Variants in SLC51A observed in about 807,000 individuals in gnomAD.
The protein encoded by SLC51A is organic solute transporter subunit alpha.
A neutral mutation model predicts 34.8 loss-of-function variants in SLC51A; 22 were observed. The ratio of observed to expected loss-of-function variants is 0.63; its 90% CI spans 0.45 to 0.90. The LOEUF (loss-of-function observed/expected upper bound fraction) is 0.90. Ranked by LOEUF, SLC51A falls within the 40% of genes least tolerant of loss-of-function variation. The pLI, the probability that SLC51A is intolerant of heterozygous loss-of-function variation, is 0.00. For missense variants in SLC51A, 371 were observed against 414.8 expected (o/e 0.89, Z 0.92); for synonymous variants, 181 against 176.3 (o/e 1.03, Z -0.21).
chr3:196,217,694 G>C (rs1190306384), intron 1 of SLC51A, 148 bp from the exon 2 acceptor site: 1 of 595,426 alleles, frequency 1.7e-6, no homozygotes, highest in Admixed American at 2.8e-5. Flanking sequence ...TGAAAGGAAG[G>C]AAGGAAGGAA....
At position 196,233,051 on chromosome 3, in the gene SLC51A, C is replaced by T. The variant is rs1724062683; in HGVS notation, c.887-12C>T. The T allele has an allele frequency of 1.9e-6, 3 of 1,613,662 alleles. No homozygotes were observed. The highest frequency in any genetic ancestry group is 2.5e-6 in the Non-Finnish European group (3 of 1,179,740). Reference sequence around the variant, plus strand: ...CAGCATAACCTACGCTGTATTTCACCCTACACTGCAGTGATGAATTGCCAC... The same window carrying T: ...CAGCATAACCTACGCTGTATTTCACTCTACACTGCAGTGATGAATTGCCAC... On this transcript the variant is annotated splice_polypyrimidine_tract_variant and intron_variant, in intron 8 of 8. Coordinates refer to ENST00000296327, the MANE Select transcript of SLC51A (RefSeq NM_152672.6).
intron 2 of SLC51A, among the ~76,000 whole-genome samples, chr3:196,223,674 T>A (rs1723821017): frequency 6.6e-6 from 1 of 151,036 alleles, no homozygotes; most frequent in East Asian, 1.9e-4. Flanking sequence ...CTATCTGGAC[T>A]TTGCCTATTG....
At position 196,228,080 on chromosome 3, in the gene SLC51A, C is replaced by T. The variant is rs1374108743; in HGVS notation, c.363-35C>T. The T allele has an allele frequency of 6.3e-7, 1 of 1,593,172 alleles. No homozygotes were observed. The highest frequency in any genetic ancestry group is 1.1e-5 in the South Asian group (1 of 87,706). On this transcript the variant is annotated intron_variant, in intron 4 of 8. Coordinates refer to ENST00000296327, the MANE Select transcript of SLC51A (RefSeq NM_152672.6). The surrounding 1 kb of genome is among the most constrained non-coding windows in gnomAD (Gnocchi z 4.9). ...TCCCTGCTGTCTTTCTCTCTGGCAG[C>T]AGACCTCGTAGGCCCTCTTCTCTCC...
At chr3:196,221,273 G>GAA (rs545713383) in intron 2 of SLC51A, among the ~76,000 whole-genome samples, 22 of 150,878 alleles carry the variant, frequency 1.5e-4, no homozygotes, top group East Asian at 1.2e-3. Context: ...AAGAGAGAGA[G>GAA]AAAAAAAAGC....
intron 6 of SLC51A, 44 bp from the exon 7 acceptor site, chr3:196,229,871 G>C: frequency 6.4e-7 from 1 of 1,559,986 alleles, no homozygotes; most frequent in Non-Finnish European, 8.7e-7. Context: ...GAGAGAGAGA[G>C]AGAGAGCTTG....
chr3:196,232,541 T>G lies in SLC51A; in HGVS notation c.886+17T>G. 6.3e-7 allele frequency: 1 copy of G among 1,591,398 alleles called. No homozygotes were observed. The highest frequency in any genetic ancestry group is 1.3e-5 in the African/African-American group (1 of 74,508). On this transcript the variant is annotated intron_variant, in intron 8 of 8. Coordinates refer to ENST00000296327, the MANE Select transcript of SLC51A (RefSeq NM_152672.6). ...GGTCTCAAGGTGAGCACGTTAAGCCTCCTGTCCCATCGTGGGATGGATGAG... is the reference window on the plus strand; with the variant it reads ...GGTCTCAAGGTGAGCACGTTAAGCCGCCTGTCCCATCGTGGGATGGATGAG...
intron 3 of SLC51A, chr3:196,227,326 G>A (rs1723923171): frequency 3.3e-6 from 2 of 608,884 alleles, no homozygotes; most frequent in Non-Finnish European, 5.8e-6. Flanking sequence ...GGGCTGCGGA[G>A]ACAGCTGGAG....
chr3:196,217,200 C>G (rs1365438047), intron 1 of SLC51A, among the ~76,000 whole-genome samples: 1 of 152,184 alleles, frequency 6.6e-6, no homozygotes, highest in Non-Finnish European at 1.5e-5. Flanking sequence ...TCTTACTCCC[C>G]CACCTGGGCC....
Position 196,216,689 on chromosome 3 carries a change from G to T in SLC51A, c.-24G>T, listed in dbSNP as rs112417408. On this transcript the variant is annotated 5_prime_UTR_variant, in exon 1 of 9. Transcript: ENST00000296327. This position sits in a 1 kb window ranked among gnomAD's most constrained non-coding sequence, Gnocchi z 4.5. The stretch of plus-strand genomic sequence containing the variant: ...TGCCCTTCCTCACCCCGGTGCCTGC[G>T]GGATTGCTGGAGAGAACGCGGCGAT... The T allele has an allele frequency of 3.2e-6, 5 of 1,556,944 alleles. No homozygotes were observed. Among genetic ancestry groups the T allele is most frequent in the East Asian group, 2.4e-5 (1 of 41,512 alleles).
chr3:196,221,517 C>T (rs969531149), intron 2 of SLC51A, among the ~76,000 whole-genome samples: 6 of 152,050 alleles, frequency 3.9e-5, no homozygotes, highest in African/African-American at 1.2e-4. Context: ...CCTCCTGCCT[C>T]GGCCTCCTGA....
chr3:196,216,782 G>C lies in SLC51A; in HGVS notation c.38+32G>C. The C allele has an allele frequency of 1.3e-6, 2 of 1,556,114 alleles. No individual in the cohort carries two copies. The highest frequency in any genetic ancestry group is 1.7e-6 in the Non-Finnish European group (2 of 1,149,382). On this transcript the variant is annotated intron_variant, in intron 1 of 8. Transcript: ENST00000296327. This position sits in a 1 kb window ranked among gnomAD's most constrained non-coding sequence, Gnocchi z 4.5. ...GAGGGCGGCGGGCCCTGGGCCAGTC[G>C]CTGGGCAGCGGTGGCCCCTATCCCG...
At position 196,216,644 on chromosome 3, in the gene SLC51A, C is replaced by A; in HGVS notation, c.-69C>A. The A allele has an allele frequency of 6.6e-7, 1 of 1,518,042 alleles. No individual in the cohort carries two copies. Among genetic ancestry groups the A allele is most frequent in the Non-Finnish European group, 8.9e-7 (1 of 1,120,496 alleles). 94.0% of individuals were successfully genotyped at this position (1,518,042 alleles called of 1,614,324 possible). A position where few individuals can be genotyped will look rare whatever the true frequency, so the allele number is the denominator to read the frequency against. On this transcript the variant is annotated 5_prime_UTR_variant, in exon 1 of 9. Transcript: ENST00000296327. The surrounding 1 kb of genome is among the most constrained non-coding windows in gnomAD (Gnocchi z 4.5). Reference sequence around the variant, plus strand: ...CCAGGCAAGCCACCCTGCCCCCGGCCCCCACCTGCCCGCCCCGCCTGCCCT... The same window carrying A: ...CCAGGCAAGCCACCCTGCCCCCGGCACCCACCTGCCCGCCCCGCCTGCCCT...
chr3:196,225,175 T>C (rs1011006967), intron 2 of SLC51A, among the ~76,000 whole-genome samples: 3 of 152,092 alleles, frequency 2.0e-5, no homozygotes, highest in Non-Finnish European at 4.4e-5. Context: ...GGTTTCACTA[T>C]GTTGGCCAGG....
At chr3:196,231,337 C>T (rs1724025201) in intron 7 of SLC51A, among the ~76,000 whole-genome samples, 1 of 152,230 alleles carries the variant, frequency 6.6e-6, no homozygotes, top group Admixed American at 6.5e-5. Flanking sequence ...CTTCTACGTG[C>T]TGCCTTCTCT....
rs1400484131 is a variant in SLC51A, at chr3:196,228,534, G to A, written c.521+261G>A. 3.3e-6 allele frequency: 2 copies of A among 607,380 alleles called. No homozygotes were observed. The highest frequency in any genetic ancestry group is 3.0e-5 in the Admixed American group (1 of 33,842). The allele number at this position is 607,380 out of a possible 1,614,324, so 37.6% of individuals were successfully genotyped here. A position where few individuals can be genotyped will look rare whatever the true frequency, so the allele number is the denominator to read the frequency against. ...GAGAAAACTGGACTTGGGGCCATTC[G>A]CTTGCCCCTTCTGCCCACTTTGGTG... On this transcript the variant is annotated intron_variant, in intron 5 of 8. Transcript: ENST00000296327. The surrounding 1 kb of genome is among the most constrained non-coding windows in gnomAD (Gnocchi z 4.9).
In SLC51A at chr3:196,227,143, T is replaced by TG. The variant is rs368740286; in HGVS notation, c.288+30dup. ...CGGTGAGGCCCCCGGGGCTGCCCTGTGGGGGGAACTGAAAAGAAGGCAGAG... is the reference window on the plus strand; with the variant it reads ...CGGTGAGGCCCCCGGGGCTGCCCTGTGGGGGGGAACTGAAAAGAAGGCAGAG... On this transcript the variant is annotated intron_variant, in intron 3 of 8. Coordinates refer to ENST00000296327, the MANE Select transcript of SLC51A (RefSeq NM_152672.6). 40 of 1,607,866 alleles carry TG rather than the reference T, an allele frequency of 2.5e-5. No homozygotes were observed. In the South Asian group the frequency reaches 4.3e-4, roughly 17 times the overall value.
Position 196,230,773 on chromosome 3 carries a change from T to C in SLC51A, c.780+712T>C, listed in dbSNP as rs185433402. 2.6e-5 allele frequency among the ~76,000 whole-genome samples: 4 copies of C among 152,354 alleles called. No homozygotes were observed. The East Asian group carries it at 5.8e-4, about 22-fold the overall frequency. ...TATTGGGATTATAGGCGTGAGCCAC[T>C]GTGCCCCTCCATCTCATCTATTTTT... On this transcript the variant is annotated intron_variant, in intron 7 of 8. Transcript: ENST00000296327.
At position 196,223,882 on chromosome 3, in the gene SLC51A, C is replaced by CA. The variant is rs1405373633; in HGVS notation, c.134-3082dup. 15 of 357,022 alleles carry CA rather than the reference C, an allele frequency of 4.2e-5. 1 individual carries two copies. Among genetic ancestry groups the CA allele is most frequent in the Non-Finnish European group, 7.8e-5 (15 of 193,104 alleles). The allele number at this position is 357,022 out of a possible 1,614,324, so 22.1% of individuals were successfully genotyped here. ...CTTTTTTTTTTTTTTTTTTTTCAGA[C>CA]AGAGTCTGGCTCTGTGGCCCAGGCT... On this transcript the variant is annotated intron_variant, in intron 2 of 8. Coordinates refer to ENST00000296327, the MANE Select transcript of SLC51A (RefSeq NM_152672.6).
intron 1 of SLC51A, 90 bp from the exon 2 acceptor site, chr3:196,217,752 C>G: frequency 1.0e-6 from 1 of 998,400 alleles, no homozygotes. Context: ...GGACAAAGTC[C>G]TGCACTCAGG....
Sources: gnomAD v4.1 joint callset for allele counts (sites outside exome capture counted in the v4.1 genomes callset) on GRCh38, gnomAD v4.1.1 for gene constraint, Gnocchi (gnomAD v3.1) non-coding constraint, MANE v1.5 for transcripts, NCBI Gene and HGNC (gene_info 2026-07-23, HGNC 2026-07-21) for gene names.